Variants in CLVS1 observed in about 807,000 individuals in gnomAD.
CLVS1 encodes clavesin 1.
CLVS1 carries 10 observed loss-of-function variants against 33.1 expected under a neutral mutation model. The observed-to-expected ratio is 0.30, with a 90% CI of 0.19 to 0.51. The LOEUF (loss-of-function observed/expected upper bound fraction) is 0.51, where lower values mean the gene tolerates loss of function less well. Ranked by LOEUF, CLVS1 falls within the 20% of genes least tolerant of loss-of-function variation. CLVS1 has a pLI of 0.97. For synonymous variants in CLVS1, 163 were observed against 166.1 expected, an observed-to-expected ratio of 0.98 and a Z score of 0.14; for missense variants, 343 against 433.4, an observed-to-expected ratio of 0.79 and a Z score of 1.85.
chr8:61,355,928 C>T (rs1382226726), intron 2 of CLVS1, among the ~76,000 whole-genome samples: 1 of 152,164 alleles, frequency 6.6e-6, no homozygotes, highest in Non-Finnish European at 1.5e-5. Context: ...GGTGTATACC[C>T]AGTAATGGGA....
the CLVS1 span, among the ~76,000 whole-genome samples, chr8:61,048,451 G>A: frequency 6.6e-6 from 1 of 152,196 alleles, no homozygotes; most frequent in South Asian, 2.1e-4. Context: ...CAAAGGGTGG[G>A]TTGCAGCAGG....
chr8:61,193,052 T>A (rs1175907726), intron 2 of CLVS1, among the ~76,000 whole-genome samples: 1 of 152,196 alleles, frequency 6.6e-6, no homozygotes, highest in Non-Finnish European at 1.5e-5. Flanking sequence ...ATCATGCTGC[T>A]ATAAAGACAC....
intron 3 of CLVS1, among the ~76,000 whole-genome samples, chr8:61,412,176 G>C (rs1419570570): frequency 6.6e-6 from 1 of 152,234 alleles, no homozygotes; most frequent in Non-Finnish European, 1.5e-5. Flanking sequence ...CTTACAGAAA[G>C]TGATGATTTG....
chr8:61,475,434 T>G (rs898236257), intron 5 of CLVS1, among the ~76,000 whole-genome samples: 3 of 152,228 alleles, frequency 2.0e-5, no homozygotes, highest in Non-Finnish European at 4.4e-5. Context: ...TCTTCCTATT[T>G]CTCCACACCC....
chr8:61,487,301 T>C (rs1258150823), intron 5 of CLVS1, among the ~76,000 whole-genome samples: 1 of 152,128 alleles, frequency 6.6e-6, no homozygotes, highest in African/African-American at 2.4e-5. Context: ...AAATAAAAAA[T>C]ATAGATTTAA....
chr8:60,979,547 G>GT, the CLVS1 span, among the ~76,000 whole-genome samples: 24 of 152,324 alleles, frequency 1.6e-4, no homozygotes, highest in Non-Finnish European at 5.9e-5. Context: ...CTTGAGTTAG[G>GT]TAAGGCAGAC....
intron 2 of CLVS1, among the ~76,000 whole-genome samples, chr8:61,253,330 C>T (rs1010412080): frequency 6.6e-6 from 1 of 152,110 alleles, no homozygotes; most frequent in Non-Finnish European, 1.5e-5. Context: ...GTAACCTGAC[C>T]TTTCTCTCTG....
intron 2 of CLVS1, among the ~76,000 whole-genome samples, chr8:61,315,032 A>G (rs1336135352): frequency 2.6e-5 from 4 of 152,204 alleles, no homozygotes; most frequent in African/African-American, 9.6e-5. Context: ...AGCATGAAGT[A>G]TCTTCCACTG....
At chr8:61,016,103 C>G in the CLVS1 span, among the ~76,000 whole-genome samples, 2 of 152,256 alleles carry the variant, frequency 1.3e-5, no homozygotes, top group Non-Finnish European at 2.9e-5. Context: ...TTGTTTCAGG[C>G]ACAAAATTAG....
intron 2 of CLVS1, among the ~76,000 whole-genome samples, chr8:61,206,866 C>T (rs1807857476): frequency 6.6e-6 from 1 of 152,196 alleles, no homozygotes; most frequent in Non-Finnish European, 1.5e-5. Flanking sequence ...GGATTACAGG[C>T]ATGAGCCAGT....
intron 2 of CLVS1, chr8:61,203,357 G>T: frequency 1.7e-6 from 1 of 575,504 alleles, no homozygotes; most frequent in Non-Finnish European, 3.2e-6. Flanking sequence ...TGTTGTCCAG[G>T]TTCTATTGCC....
At chr8:61,433,941 TA>T (rs112113590) in intron 3 of CLVS1, among the ~76,000 whole-genome samples, 2,891 of 141,530 alleles carry the variant, frequency 0.02, 63 homozygotes, top group African/African-American at 0.057. Context: ...TATCATTCAT[TA>T]AAAAAAAAAA....
Position 61,353,645 on chromosome 8 carries a change from G to T in CLVS1, c.456-22960G>T, listed in dbSNP as rs113200167. Among the ~76,000 whole-genome samples the T allele has an allele frequency of 5.1e-3, 775 of 151,128 alleles. 4 individuals carry two copies. The highest frequency in any genetic ancestry group is 0.017 in the African/African-American group (707 of 41,274). ...GATGTTGATATTAGGAATAAGGAAAGGTCTCAAGTCAAAAATCTGTTCTAC... is the reference window on the plus strand; with the variant it reads ...GATGTTGATATTAGGAATAAGGAAATGTCTCAAGTCAAAAATCTGTTCTAC... On this transcript the variant is annotated intron_variant, in intron 2 of 5. Coordinates refer to ENST00000325897, the MANE Select transcript of CLVS1 (RefSeq NM_173519.3).
chr8:61,204,077 C>G (rs1036205803), intron 2 of CLVS1, among the ~76,000 whole-genome samples: 109 of 152,184 alleles, frequency 7.2e-4, no homozygotes, highest in Non-Finnish European at 2.9e-5. Context: ...AGATTCCACT[C>G]TCAGTGGGGC....
the CLVS1 span, among the ~76,000 whole-genome samples, chr8:60,993,153 G>A: frequency 6.6e-6 from 1 of 152,232 alleles, no homozygotes; most frequent in African/African-American, 2.4e-5. Context: ...ACCACAAGTG[G>A]TGTACAGATG....
intron 3 of CLVS1, among the ~76,000 whole-genome samples, chr8:61,442,911 AT>A (rs1388341890): frequency 6.6e-6 from 1 of 152,016 alleles, no homozygotes; most frequent in Non-Finnish European, 1.5e-5. Context: ...AGGTGTCACT[AT>A]TTTTTTAAGC....
the CLVS1 span, among the ~76,000 whole-genome samples, chr8:60,994,597 C>G: frequency 3.9e-5 from 6 of 152,156 alleles, no homozygotes; most frequent in Admixed American, 1.3e-4. Context: ...TACAACAATG[C>G]CTCTCTACCT....
chr8:61,497,021 A>G, intron 5 of CLVS1, among the ~76,000 whole-genome samples: 1 of 152,234 alleles, frequency 6.6e-6, no homozygotes, highest in Non-Finnish European at 1.5e-5. Flanking sequence ...ACATGTTAAT[A>G]TACAACTATG....
chr8:61,095,164 G>A (rs932457418), intron 1 of CLVS1, among the ~76,000 whole-genome samples: 5 of 152,048 alleles, frequency 3.3e-5, no homozygotes, highest in African/African-American at 7.2e-5. Flanking sequence ...AACTGAACTC[G>A]CCCTACCTAG....
Sources: gnomAD v4.1 joint callset for allele counts (sites outside exome capture counted in the v4.1 genomes callset) on GRCh38, gnomAD v4.1.1 for gene constraint, MANE v1.5 for transcripts, NCBI Gene and HGNC (gene_info 2026-07-23, HGNC 2026-07-21) for gene names.